Variants in FAXC observed in about 807,000 individuals in gnomAD.
The protein encoded by FAXC is failed axon connections homolog, metaxin like GST domain containing, also known as failed axon connections homolog.
FAXC carries 10 observed loss-of-function variants against 41.9 expected under a neutral mutation model. The observed-to-expected ratio is 0.24, with a 90% CI of 0.15 to 0.41. FAXC has a LOEUF of 0.41. Ranked by LOEUF, FAXC falls within the 10% of genes least tolerant of loss-of-function variation. The probability of loss-of-function intolerance (pLI) is 1.00; values close to 1 mark genes in which losing one functional copy is unlikely to be tolerated. For synonymous variants in FAXC, 183 were observed against 183.8 expected (o/e 1.00, Z 0.03); for missense variants, 399 against 510.9 (o/e 0.78, Z 2.11).
intron 4 of FAXC, among the ~76,000 whole-genome samples, chr6:99,318,607 G>T (rs910594656): frequency 2.0e-5 from 3 of 152,142 alleles, no homozygotes; most frequent in Non-Finnish European, 4.4e-5. Flanking sequence ...TGTTTCCAAT[G>T]AAGTTGTGTT....
intron 3 of FAXC, among the ~76,000 whole-genome samples, chr6:99,333,030 C>T (rs879945396): frequency 2.0e-5 from 3 of 152,166 alleles, no homozygotes; most frequent in Non-Finnish European, 4.4e-5. Context: ...TTTAGCAGAA[C>T]ACGGTCATGC....
Position 99,318,100 on chromosome 6 carries a change from T to C in FAXC, c.823+5344A>G, listed in dbSNP as rs543542533. 2.6e-5 allele frequency among the ~76,000 whole-genome samples: 4 copies of C among 151,918 alleles called. No individual in the cohort carries two copies. The South Asian group carries it at 6.3e-4, about 24-fold the overall frequency. ...GGTGAAAGCCCGTCTCTACTAAAAA[T>C]ACAAAAAAATTAGCTGGGCATGGTG... On this transcript the variant is annotated intron_variant, in intron 4 of 5. Coordinates refer to ENST00000389677, the MANE Select transcript of FAXC (RefSeq NM_032511.4).
chr6:99,290,174 T>C (rs559725389), intron 5 of FAXC, among the ~76,000 whole-genome samples: 16 of 149,392 alleles, frequency 1.1e-4, no homozygotes, highest in African/African-American at 3.7e-4. Flanking sequence ...GGCACATCAA[T>C]CCAAGGTGAG....
intron 4 of FAXC, among the ~76,000 whole-genome samples, chr6:99,309,428 T>C (rs1772071728): frequency 6.6e-6 from 1 of 152,240 alleles, no homozygotes; most frequent in Non-Finnish European, 1.5e-5. Context: ...TATTAGCATT[T>C]AATTTTATTC....
At chr6:99,313,166 G>A (rs568917017) in intron 4 of FAXC, among the ~76,000 whole-genome samples, 5 of 152,232 alleles carry the variant, frequency 3.3e-5, no homozygotes, top group East Asian at 3.9e-4. Context: ...GGTGGCACAC[G>A]CCTGTGGTCC....
chr6:99,290,212 T>G (rs1244235701), intron 5 of FAXC, among the ~76,000 whole-genome samples: 2 of 151,544 alleles, frequency 1.3e-5, no homozygotes, highest in Non-Finnish European at 2.9e-5. Flanking sequence ...ATTTCCACCA[T>G]GAATTTTACT....
At chr6:99,345,696 G>C (rs751795264) in intron 1 of FAXC, among the ~76,000 whole-genome samples, 3 of 152,216 alleles carry the variant, frequency 2.0e-5, no homozygotes, top group Non-Finnish European at 2.9e-5. Context: ...GCAGAGATCA[G>C]ATGTTGATTC....
chr6:99,285,431 A>G (rs1374852120), intron 5 of FAXC, among the ~76,000 whole-genome samples: 1 of 152,244 alleles, frequency 6.6e-6, no homozygotes, highest in Non-Finnish European at 1.5e-5. Flanking sequence ...GATAATGTGT[A>G]TAGTATAATT....
At chr6:99,327,542 C>T (rs1582672685) in intron 3 of FAXC, among the ~76,000 whole-genome samples, 1 of 152,146 alleles carries the variant, frequency 6.6e-6, no homozygotes, top group African/African-American at 2.4e-5. Context: ...ACCTCTACTG[C>T]TTTTCCTTCC....
chr6:99,349,402 C>G lies in FAXC; in HGVS notation c.-30G>C. On this transcript the variant is annotated 5_prime_UTR_variant, in exon 1 of 6. Transcript: ENST00000389677. ...CGCGGCTGGCTCCGGGCGCCCCTCCCAGGGCCCGCGCCGCCCGCATGGGAA... is the reference window on the plus strand; with the variant it reads ...CGCGGCTGGCTCCGGGCGCCCCTCCGAGGGCCCGCGCCGCCCGCATGGGAA... The G allele has an allele frequency of 7.0e-6, 11 of 1,564,220 alleles. No individual in the cohort carries two copies. Among genetic ancestry groups the G allele is most frequent in the Non-Finnish European group, 9.5e-6 (11 of 1,157,646 alleles).
rs1290966984 is a variant in FAXC, at chr6:99,349,614, G to T, written c.-242C>A. 2 of 154,612 alleles carry T rather than the reference G, an allele frequency of 1.3e-5. No homozygotes were observed. Among genetic ancestry groups the T allele is most frequent in the Non-Finnish European group, 2.9e-5 (2 of 70,072 alleles). 9.6% of individuals were successfully genotyped at this position (154,612 alleles called of 1,614,324 possible). On this transcript the variant is annotated 5_prime_UTR_variant, in exon 1 of 6. Coordinates refer to ENST00000389677, the MANE Select transcript of FAXC (RefSeq NM_032511.4). ...AGAGCCCTGGGCGGCAGCAGCGGCC[G>T]CCGGCTCCCCCCGCAGCTGCCTCTC...
chr6:99,339,155 G>A (rs771205934), intron 2 of FAXC, among the ~76,000 whole-genome samples: 4 of 152,230 alleles, frequency 2.6e-5, no homozygotes, highest in Non-Finnish European at 5.9e-5. Flanking sequence ...TATTGGGGCA[G>A]GCAAAAGCTT....
intron 4 of FAXC, among the ~76,000 whole-genome samples, chr6:99,299,813 C>G (rs1037489679): frequency 4.6e-5 from 7 of 152,226 alleles, no homozygotes; most frequent in Non-Finnish European, 8.8e-5. Context: ...ATATGTAAGA[C>G]AAGCCACTTC....
intron 2 of FAXC, among the ~76,000 whole-genome samples, chr6:99,335,765 C>T (rs1773194776): frequency 6.6e-6 from 1 of 152,140 alleles, no homozygotes; most frequent in Non-Finnish European, 1.5e-5. Flanking sequence ...GACTTTTCTT[C>T]GCAGCACCAA....
chr6:99,283,243 A>G (rs1770902751), intron 5 of FAXC, among the ~76,000 whole-genome samples: 1 of 152,242 alleles, frequency 6.6e-6, no homozygotes, highest in East Asian at 1.9e-4. Context: ...AAGAAAACAA[A>G]AAGTACCCAT....
At chr6:99,346,013 C>G (rs757808924) in intron 1 of FAXC, among the ~76,000 whole-genome samples, 4 of 152,194 alleles carry the variant, frequency 2.6e-5, no homozygotes, top group Non-Finnish European at 5.9e-5. Flanking sequence ...TCTAGAGACA[C>G]AGTCATAGAT....
chr6:99,287,892 G>A (rs1276353632), intron 5 of FAXC, among the ~76,000 whole-genome samples: 1 of 152,104 alleles, frequency 6.6e-6, no homozygotes, highest in Non-Finnish European at 1.5e-5. Flanking sequence ...TGCCTAAAAT[G>A]GGATTTAGAG....
chr6:99,286,983 G>C (rs539648491), intron 5 of FAXC, among the ~76,000 whole-genome samples: 1 of 152,126 alleles, frequency 6.6e-6, no homozygotes, highest in African/African-American at 2.4e-5. Flanking sequence ...TGCCCTTTGA[G>C]ACAGTAATTA....
chr6:99,280,458 T>C lies in FAXC; in HGVS notation c.*706A>G, dbSNP rs141031781. 3 of 152,498 alleles carry C rather than the reference T, an allele frequency of 2.0e-5. No individual in the cohort carries two copies. The highest frequency in any genetic ancestry group is 2.9e-5 in the Non-Finnish European group (2 of 68,102). The allele number at this position is 152,498 out of a possible 1,614,324, so 9.4% of individuals were successfully genotyped here. On this transcript the variant is annotated 3_prime_UTR_variant, in exon 6 of 6. Transcript: ENST00000389677. ...TAAGAGGTTTAAAGCGCCGTACGAA[T>C]GTTACCACATGAATCCCCACAACAC...
Sources: gnomAD v4.1 joint callset for allele counts (sites outside exome capture counted in the v4.1 genomes callset) on GRCh38, gnomAD v4.1.1 for gene constraint, MANE v1.5 for transcripts, NCBI Gene and HGNC (gene_info 2026-07-23, HGNC 2026-07-21) for gene names.